MTR: variants seen among roughly 807,000 people sequenced by gnomAD.
The protein encoded by MTR is 5-methyltetrahydrofolate-homocysteine methyltransferase.
Under a neutral mutation model 154.8 loss-of-function variants are expected in MTR, and 84 were observed. The observed-to-expected ratio is 0.54, with a 90% CI of 0.45 to 0.65. The LOEUF is 0.65. MTR is among the 30% of genes least tolerant of loss of function. The pLI is 0.00. For missense variants in MTR, 1,275 were observed against 1,570.2 expected (o/e 0.81, Z 3.18); for synonymous variants, 554 against 553.9 (o/e 1.00, Z 0.00).
chr1:236,896,848 T>G (rs1361291857), intron 31 of MTR, among the ~76,000 whole-genome samples, 158 bp from the exon 32 acceptor site: 1 of 152,232 alleles, frequency 6.6e-6, no homozygotes, highest in East Asian at 1.9e-4. Context: ...GCTAGACTTC[T>G]CTGATCACAG....
At position 236,898,882 on chromosome 1, in the gene MTR, A is replaced by G. The variant is rs961436209; in HGVS notation, c.*1238A>G. On this transcript the variant is annotated 3_prime_UTR_variant, in exon 33 of 33. Coordinates refer to ENST00000366577, the MANE Select transcript of MTR (RefSeq NM_000254.3). ...GAAGAATGGTGCCACCACTCAAGCAACAAGCCTCAAACTCAACCATGTCAT... is the reference window on the plus strand; with the variant it reads ...GAAGAATGGTGCCACCACTCAAGCAGCAAGCCTCAAACTCAACCATGTCAT... 1 of 152,184 alleles carries G rather than the reference A, an allele frequency of 6.6e-6. No homozygotes were observed. Among genetic ancestry groups the G allele is most frequent in the African/African-American group, 2.4e-5 (1 of 41,432 alleles). 9.4% of individuals were successfully genotyped at this position (152,184 alleles called of 1,614,324 possible).
intron 22 of MTR, among the ~76,000 whole-genome samples, chr1:236,868,057 G>A (rs553259975): frequency 9.3e-4 from 142 of 152,284 alleles, no homozygotes; most frequent in African/African-American, 3.2e-3. Flanking sequence ...TGAGTAAAAC[G>A]CTATCAAACA....
At chr1:236,840,229 A>G (rs917248145) in intron 15 of MTR, among the ~76,000 whole-genome samples, 1 of 152,256 alleles carries the variant, frequency 6.6e-6, no homozygotes, top group African/African-American at 2.4e-5. Flanking sequence ...GATCATTAAC[A>G]TATATTGAAC....
chr1:236,863,412 T>C lies in MTR; in HGVS notation c.2305-42T>C, dbSNP rs759344482. Reference sequence around the variant, plus strand: ...CTCTGGAGAACTAGGTGTTCCACCCTAAACAACCCTGCCTTGCTGAGCTGC... The same window carrying C: ...CTCTGGAGAACTAGGTGTTCCACCCCAAACAACCCTGCCTTGCTGAGCTGC... On this transcript the variant is annotated intron_variant, in intron 21 of 32. Transcript: ENST00000366577. 7.7e-6 allele frequency: 12 copies of C among 1,559,620 alleles called. No individual in the cohort carries two copies. The South Asian group carries it at 1.3e-4, about 17-fold the overall frequency.
chr1:236,831,853 A>G, intron 12 of MTR, 113 bp from the exon 13 acceptor site: 1 of 773,870 alleles, frequency 1.3e-6, no homozygotes, highest in South Asian at 1.5e-5. Flanking sequence ...CTATCTGCTC[A>G]GATGGGCTAT....
At chr1:236,805,078 TA>T (rs1372245869) in intron 2 of MTR, among the ~76,000 whole-genome samples, 4 of 152,204 alleles carry the variant, frequency 2.6e-5, no homozygotes, top group Non-Finnish European at 5.9e-5. Flanking sequence ...ATTGTTACTA[TA>T]AATGTGCGTA....
chr1:236,865,541 G>A (rs1664776200), intron 22 of MTR, among the ~76,000 whole-genome samples: 1 of 152,080 alleles, frequency 6.6e-6, no homozygotes, highest in Non-Finnish European at 1.5e-5. Context: ...TATCATTGTT[G>A]CAGTGAATCT....
chr1:236,870,113 G>A (rs775610661), intron 22 of MTR, among the ~76,000 whole-genome samples: 3 of 152,202 alleles, frequency 2.0e-5, no homozygotes, highest in Non-Finnish European at 4.4e-5. Flanking sequence ...GGGTTGACCA[G>A]GGCTGTGAGC....
chr1:236,865,153 G>A (rs772890876), intron 22 of MTR, among the ~76,000 whole-genome samples: 2 of 152,228 alleles, frequency 1.3e-5, no homozygotes, highest in African/African-American at 2.4e-5. Context: ...TGAAGACTGC[G>A]TATTAAGCCT....
rs1663983198 is a variant in MTR, at chr1:236,852,752, T to C, written c.1812+115T>C. ...TGCTGCCAGTTTCTGTAAATAAGAT[T>C]TTATTGGGATAGAGCCACACCTATT... On this transcript the variant is annotated intron_variant, in intron 17 of 32. Coordinates refer to ENST00000366577, the MANE Select transcript of MTR (RefSeq NM_000254.3). 38 of 1,132,958 alleles carry C rather than the reference T, an allele frequency of 3.4e-5. 1 individual carries two copies. The South Asian group carries it at 4.5e-4, about 13-fold the overall frequency. 70.2% of individuals were successfully genotyped at this position (1,132,958 alleles called of 1,614,324 possible). A position where few individuals can be genotyped will look rare whatever the true frequency, so the allele number is the denominator to read the frequency against.
rs778432496 is a variant in MTR at position 236,895,467 on chromosome 1, G to C, written c.3515G>C (p.Arg1172Pro). ...CGCAGGCTGCGGTACAAGGGCATCC[G>C]CCCGGCTCCTGGCTACCCCAGCCAG... ...DLRRLRYKGIRPAPGYPSQPD... is the reference protein window; with the variant it reads ...DLRRLRYKGIPPAPGYPSQPD... Residue 1172 changes from arginine to proline, a missense_variant, in exon 31 of 33, where the codon CGC becomes CCC. Transcript: ENST00000366577. 5 of 1,597,790 alleles carry C rather than the reference G, an allele frequency of 3.1e-6. No homozygotes were observed. In the African/African-American group the frequency reaches 6.7e-5, roughly 21 times the overall value.
At chr1:236,803,772 G>A in intron 2 of MTR, 130 bp downstream of exon 2, 2 of 925,116 alleles carry the variant, frequency 2.2e-6, no homozygotes, top group African/African-American at 1.6e-5. Flanking sequence ...TCAGAAAGCA[G>A]GTTTTGGACA....
chr1:236,853,227 G>A, intron 18 of MTR, 139 bp downstream of exon 18: 3 of 1,096,032 alleles, frequency 2.7e-6, no homozygotes, highest in Non-Finnish European at 4.1e-6. Context: ...TCTACAGAGA[G>A]TTGCAGAGAT....
At chr1:236,870,583 A>G (rs1665072374) in intron 22 of MTR, among the ~76,000 whole-genome samples, 1 of 152,130 alleles carries the variant, frequency 6.6e-6, no homozygotes, top group African/African-American at 2.4e-5. Flanking sequence ...CACCTGGAGT[A>G]ACAAGGCCTG....
At chr1:236,819,554 C>CA (rs1198310849) in intron 8 of MTR, 1 of 378,196 alleles carries the variant, frequency 2.6e-6, no homozygotes, top group African/African-American at 2.1e-5. Context: ...ATAAATCTCC[C>CA]ATGGCCTTTC....
At chr1:236,842,092 C>A (rs58600988) in intron 15 of MTR, among the ~76,000 whole-genome samples, 3 of 151,940 alleles carry the variant, frequency 2.0e-5, no homozygotes, top group African/African-American at 7.3e-5. Flanking sequence ...GGGGTTTCAC[C>A]GTGTCAGCCA....
chr1:236,819,446 C>T (rs549700031), intron 8 of MTR, among the ~76,000 whole-genome samples: 1 of 152,232 alleles, frequency 6.6e-6, no homozygotes, highest in South Asian at 2.1e-4. Context: ...TTCTTTTTAA[C>T]GCTAAATAAT....
intron 30 of MTR, 93 bp downstream of exon 30, chr1:236,894,650 A>C: frequency 7.9e-7 from 1 of 1,262,300 alleles, no homozygotes; most frequent in Admixed American, 2.3e-5. Context: ...AGCCCTTAGA[A>C]CCAGTGTCTT....
chr1:236,801,322 C>T (rs1409291943), intron 1 of MTR, among the ~76,000 whole-genome samples: 3 of 152,288 alleles, frequency 2.0e-5, no homozygotes, highest in South Asian at 4.2e-4. Context: ...AGGAATAGTA[C>T]ACCCTGAAAG....
Sources: allele counts gnomAD v4.1 joint callset (sites outside exome capture counted in the v4.1 genomes callset), GRCh38; gene constraint gnomAD v4.1.1; transcripts MANE v1.5; gene names NCBI Gene and HGNC (gene_info 2026-07-23, HGNC 2026-07-21).